IMMP2L: variants seen among roughly 807,000 people sequenced by gnomAD.
The protein encoded by IMMP2L is mitochondrial inner membrane protease subunit 2.
A neutral mutation model predicts 19.3 loss-of-function variants in IMMP2L; 18 were observed. The ratio of observed to expected loss-of-function variants is 0.93; its 90% CI spans 0.64 to 1.38. The LOEUF is 1.38. IMMP2L is among the 40% of genes most tolerant of loss of function. IMMP2L has a pLI of 0.00. For synonymous variants in IMMP2L, 76 were observed against 73.0 expected (o/e 1.04, Z -0.21); for missense variants, 233 against 218.2 (o/e 1.07, Z -0.43).
chr7:110,719,432 T>A (rs1453119403), intron 5 of IMMP2L, among the ~76,000 whole-genome samples: 1 of 152,186 alleles, frequency 6.6e-6, no homozygotes, highest in Non-Finnish European at 1.5e-5. Flanking sequence ...CATAGAAAAT[T>A]GATCAGGATT....
chr7:111,344,864 T>C (rs1215575239), intron 3 of IMMP2L, among the ~76,000 whole-genome samples: 1 of 152,044 alleles, frequency 6.6e-6, no homozygotes, highest in Admixed American at 6.6e-5. Context: ...AGAATTTTAA[T>C]AAGAGAGAAC....
chr7:110,852,571 T>A (rs1806347156), intron 5 of IMMP2L, among the ~76,000 whole-genome samples: 1 of 152,070 alleles, frequency 6.6e-6, no homozygotes, highest in African/African-American at 2.4e-5. Context: ...TTATCTTCAT[T>A]CTGGAATGCA....
At chr7:111,360,475 G>A (rs1189207143) in intron 3 of IMMP2L, among the ~76,000 whole-genome samples, 1 of 152,008 alleles carries the variant, frequency 6.6e-6, no homozygotes, top group East Asian at 1.9e-4. Context: ...AAGCAGATAT[G>A]AGAATCCACC....
chr7:110,723,181 A>T (rs1012095970), intron 5 of IMMP2L, among the ~76,000 whole-genome samples: 2 of 152,230 alleles, frequency 1.3e-5, no homozygotes, highest in Admixed American at 1.3e-4. Flanking sequence ...ACTGGACCAT[A>T]AATGGGGATG....
chr7:110,879,816 T>G (rs1396490881), intron 5 of IMMP2L, among the ~76,000 whole-genome samples: 1 of 152,184 alleles, frequency 6.6e-6, no homozygotes, highest in Non-Finnish European at 1.5e-5. Context: ...TAATCTGCAC[T>G]GGTAATGACC....
At chr7:111,469,249 G>A (rs903095470) in intron 3 of IMMP2L, among the ~76,000 whole-genome samples, 1 of 151,986 alleles carries the variant, frequency 6.6e-6, no homozygotes. Context: ...CTCTTTTTTG[G>A]TTCCATATGA....
chr7:110,692,396 T>C (rs1157872944), intron 5 of IMMP2L, among the ~76,000 whole-genome samples: 10 of 127,474 alleles, frequency 7.8e-5, no homozygotes, highest in Non-Finnish European at 1.5e-4. Context: ...TTAGGTACAA[T>C]ATATACTACG....
At chr7:110,740,878 A>C (rs1214312872) in intron 5 of IMMP2L, among the ~76,000 whole-genome samples, 8 of 152,014 alleles carry the variant, frequency 5.3e-5, no homozygotes, top group Admixed American at 5.2e-4. Flanking sequence ...CATTCTGTAC[A>C]TGTAACCCAG....
At position 111,102,838 on chromosome 7, in the gene IMMP2L, T is replaced by C. The variant is rs1798123339; in HGVS notation, c.240-139273A>G. ...TAGGGTCATAAAAGACTTCATAATA[T>C]GTATAAAATAATTACAATCTTTGAA... On this transcript the variant is annotated intron_variant, in intron 3 of 5. Coordinates refer to ENST00000405709, the MANE Select transcript of IMMP2L (RefSeq NM_032549.4). Among the ~76,000 whole-genome samples the C allele has an allele frequency of 1.3e-5, 2 of 151,584 alleles. 1 individual carries two copies. Among genetic ancestry groups the C allele is most frequent in the South Asian group, 4.1e-4 (2 of 4,832 alleles).
intron 3 of IMMP2L, among the ~76,000 whole-genome samples, chr7:111,225,308 G>C (rs1183515003): frequency 1.3e-5 from 2 of 152,058 alleles, no homozygotes; most frequent in African/African-American, 2.4e-5. Flanking sequence ...TATTGCCACT[G>C]TAAGAGCTTA....
At chr7:111,434,780 T>C (rs976057370) in intron 3 of IMMP2L, among the ~76,000 whole-genome samples, 4 of 151,736 alleles carry the variant, frequency 2.6e-5, no homozygotes, top group African/African-American at 9.7e-5. Flanking sequence ...TCTCAAACTC[T>C]TGACCTCCGG....
intron 4 of IMMP2L, among the ~76,000 whole-genome samples, chr7:110,936,924 C>G (rs1816182542): frequency 6.6e-6 from 1 of 152,098 alleles, no homozygotes; most frequent in Admixed American, 6.6e-5. Context: ...TGGATACCAT[C>G]ATTCTCAGCA....
intron 5 of IMMP2L, among the ~76,000 whole-genome samples, chr7:110,754,012 T>C (rs913013626): frequency 2.0e-5 from 3 of 152,026 alleles, no homozygotes; most frequent in Non-Finnish European, 4.4e-5. Flanking sequence ...AAAATCTGCA[T>C]AGTTTGAAAC....
chr7:110,844,457 C>A (rs556093028), intron 5 of IMMP2L, among the ~76,000 whole-genome samples: 1 of 151,346 alleles, frequency 6.6e-6, no homozygotes, highest in Non-Finnish European at 1.5e-5. Context: ...AAATGGAAAC[C>A]AAAAAAAGTT....
At chr7:111,134,906 C>T (rs1221654741) in intron 3 of IMMP2L, among the ~76,000 whole-genome samples, 2 of 151,950 alleles carry the variant, frequency 1.3e-5, no homozygotes, top group Admixed American at 6.6e-5. Flanking sequence ...CAGATGTGTC[C>T]GTTCCATTTC....
chr7:111,125,045 T>C (rs2129590568), intron 3 of IMMP2L: 1 of 621,798 alleles, frequency 1.6e-6, no homozygotes, highest in Non-Finnish European at 2.8e-6. Context: ...GCTTCACCAA[T>C]GCTGCTCCTG....
chr7:111,052,765 T>C (rs1014264144), intron 3 of IMMP2L, among the ~76,000 whole-genome samples: 11 of 152,174 alleles, frequency 7.2e-5, no homozygotes, highest in Admixed American at 6.5e-4. Context: ...CTAGTATCAA[T>C]AGTAATATCA....
At chr7:111,548,273 T>C (rs974619837) in intron 1 of IMMP2L, among the ~76,000 whole-genome samples, 1 of 152,162 alleles carries the variant, frequency 6.6e-6, no homozygotes, top group Admixed American at 6.5e-5. Flanking sequence ...TTTGACTGCA[T>C]GCTTCTCTAG....
intron 3 of IMMP2L, among the ~76,000 whole-genome samples, chr7:111,473,837 A>C (rs528084804): frequency 6.6e-6 from 1 of 152,302 alleles, no homozygotes; most frequent in South Asian, 2.1e-4. Flanking sequence ...CAAAAGGAAA[A>C]TAAATCATTC....
Sources: gnomAD v4.1 joint callset for allele counts (sites outside exome capture counted in the v4.1 genomes callset) on GRCh38, gnomAD v4.1.1 for gene constraint, MANE v1.5 for transcripts, NCBI Gene and HGNC (gene_info 2026-07-23, HGNC 2026-07-21) for gene names.